Variants in TPD52L3 observed in about 807,000 individuals in gnomAD.
TPD52L3 encodes TPD52 like 3, also known as tumor protein D55.
In TPD52L3, 12 loss-of-function variants were observed where a neutral mutation model predicts 8.7. The ratio of observed to expected loss-of-function variants is 1.38; its 90% CI spans 0.89 to 2.24. TPD52L3 has a LOEUF of 2.24. Ranked by LOEUF, TPD52L3 falls within the 30% of genes most tolerant of loss-of-function variation. The pLI, the probability that TPD52L3 is intolerant of heterozygous loss-of-function variation, is 0.00. For missense variants in TPD52L3, 207 were observed against 158.7 expected, an observed-to-expected ratio of 1.30 and a Z score of -1.64; for synonymous variants, 79 against 66.8, an observed-to-expected ratio of 1.18 and a Z score of -0.89.
Position 6,328,538 on chromosome 9 carries a change from C to T in TPD52L3, c.-58C>T. Reference sequence around the variant, plus strand: ...ATTTCTCTGCAGCCCAATAATTCGACTCTTTCTACCAAGAATTGGACCTGG... The same window carrying T: ...ATTTCTCTGCAGCCCAATAATTCGATTCTTTCTACCAAGAATTGGACCTGG... On this transcript the variant is annotated 5_prime_UTR_variant, in exon 1 of 2. Transcript: ENST00000314556. 1 of 1,558,146 alleles carries T rather than the reference C, an allele frequency of 6.4e-7. No homozygotes were observed. The highest frequency in any genetic ancestry group is 8.7e-7 in the Non-Finnish European group (1 of 1,155,912).
rs1245923234 is a variant in TPD52L3, at chr9:6,328,456, C to G, written c.-140C>G. ...GATCCCTCCCGCCTGAAATCTGACT[C>G]CACCTGCCAAGAGTCTGAGCCTGCA... On this transcript the variant is annotated 5_prime_UTR_variant, in exon 1 of 2. Coordinates refer to ENST00000314556, the MANE Select transcript of TPD52L3 (RefSeq NM_001001874.3). The G allele has an allele frequency of 9.6e-7, 1 of 1,042,310 alleles. No individual in the cohort carries two copies. Among genetic ancestry groups the G allele is most frequent in the African/African-American group, 1.6e-5 (1 of 62,652 alleles). The allele number at this position is 1,042,310 out of a possible 1,614,324, so 64.6% of individuals were successfully genotyped here. A position where few individuals can be genotyped will look rare whatever the true frequency, so the allele number is the denominator to read the frequency against.
chr9:6,331,421 C>A lies in TPD52L3; in HGVS notation c.*402C>A, dbSNP rs10491836. 37,167 of 156,474 alleles carry A rather than the reference C, an allele frequency of 0.24. 4,708 individuals carry two copies. The highest frequency in any genetic ancestry group is 0.26 in the Non-Finnish European group (18,419 of 71,232). The allele number at this position is 156,474 out of a possible 1,614,324, so 9.7% of individuals were successfully genotyped here. ...GACAACATGCAGAGGAACTGAGTCA[C>A]AAAGGAATGTATAAGAATGGCATAT... On this transcript the variant is annotated 3_prime_UTR_variant, in exon 2 of 2. Coordinates refer to ENST00000314556, the MANE Select transcript of TPD52L3 (RefSeq NM_001001874.3).
chr9:6,329,976 T>G (rs1022466888), intron 1 of TPD52L3: 2 of 1,318,248 alleles, frequency 1.5e-6, no homozygotes, highest in Admixed American at 7.5e-5. Flanking sequence ...AGAAATTGCC[T>G]CTCTGGCAGC....
At position 6,328,989 on chromosome 9, in the gene TPD52L3, G is replaced by A. The variant is rs761324329; in HGVS notation, c.367+27G>A. 2.7e-5 allele frequency: 44 copies of A among 1,614,122 alleles called. No individual in the cohort carries two copies. The South Asian group carries it at 4.7e-4, about 17-fold the overall frequency. ...TCTGATGGGGACAATCAAGTCCAAA[G>A]TCTCAGGGGGCAAAAGAGCTTGGCC... On this transcript the variant is annotated intron_variant, in intron 1 of 1. Transcript: ENST00000314556.
intron 1 of TPD52L3, chr9:6,330,527 G>C (rs1004464017): frequency 2.5e-6 from 3 of 1,216,958 alleles, no homozygotes; most frequent in Middle Eastern, 3.3e-4. Context: ...CATTCCTTTG[G>C]TTTTCCTATA....
Position 6,328,767 on chromosome 9 carries a change from G to T in TPD52L3, c.172G>T (p.Gly58Trp). 6.2e-7 allele frequency: 1 copy of T among 1,614,144 alleles called. No homozygotes were observed. Among genetic ancestry groups the T allele is most frequent in the Admixed American group, 1.7e-5 (1 of 60,026 alleles). ...HVLAAKERRC[G>W]ELKRKLGLTA... ...ACTAGCAGCCAAAGAGAGACGCTGT[G>T]GGGAACTCAAGAGGAAGTTAGGCCT... Residue 58 changes from glycine (G) to tryptophan (W), a missense_variant, in exon 1 of 2, where the codon GGG becomes TGG. Coordinates refer to ENST00000314556, the MANE Select transcript of TPD52L3 (RefSeq NM_001001874.3).
Position 6,328,465 on chromosome 9 carries a change from A to T in TPD52L3, c.-131A>T. ...CGCCTGAAATCTGACTCCACCTGCC[A>T]AGAGTCTGAGCCTGCAGGCCTAGAT... On this transcript the variant is annotated 5_prime_UTR_variant, in exon 1 of 2. Coordinates refer to ENST00000314556, the MANE Select transcript of TPD52L3 (RefSeq NM_001001874.3). 1.8e-6 allele frequency: 2 copies of T among 1,131,488 alleles called. No individual in the cohort carries two copies. The highest frequency in any genetic ancestry group is 2.5e-6 in the Non-Finnish European group (2 of 796,808). 70.1% of individuals were successfully genotyped at this position (1,131,488 alleles called of 1,614,324 possible). A position where few individuals can be genotyped will look rare whatever the true frequency, so the allele number is the denominator to read the frequency against.
chr9:6,328,831 G>A lies in TPD52L3; in HGVS notation c.236G>A (p.Ser79Asn). The change falls in exon 1 of 2, where the codon AGC (serine) becomes AAC (asparagine). Residue 79 changes from serine to asparagine, a missense_variant. Ser to Asn is a conservative substitution (Grantham distance 46). Coordinates refer to ENST00000314556, the MANE Select transcript of TPD52L3 (RefSeq NM_001001874.3). Reference sequence around the variant, plus strand: ...GGGCTGAGACAGAATCTGTCCAAGAGCTGGCTTGATGTTCAGGTCTCCAAC... The same window carrying A: ...GGGCTGAGACAGAATCTGTCCAAGAACTGGCTTGATGTTCAGGTCTCCAAC... ...LVGLRQNLSKSWLDVQVSNTY... is the reference protein window; with the variant it reads ...LVGLRQNLSKNWLDVQVSNTY... 1.2e-6 allele frequency: 2 copies of A among 1,614,214 alleles called. No individual in the cohort carries two copies. The highest frequency in any genetic ancestry group is 8.5e-7 in the Non-Finnish European group (1 of 1,180,022).
chr9:6,330,981 A>G lies in TPD52L3; in HGVS notation c.373A>G (p.Ile125Val). 2 of 1,612,756 alleles carry G rather than the reference A, an allele frequency of 1.2e-6. No individual in the cohort carries two copies. The highest frequency in any genetic ancestry group is 1.7e-6 in the Non-Finnish European group (2 of 1,179,382). The change falls in exon 2 of 2, where the codon ATC (isoleucine) becomes GTC (valine). Residue 125 changes from isoleucine (I) to valine (V), a missense_variant. Physicochemically the swap from Ile to Val is conservative, Grantham distance 29. Coordinates refer to ENST00000314556, the MANE Select transcript of TPD52L3 (RefSeq NM_001001874.3). ...SATFRSFEGLIFNKYTLNQGR... is the reference protein window; with the variant it reads ...SATFRSFEGLVFNKYTLNQGR... ...TTTTCCCATTTCTGGCTTAGGATTG[A>G]TCTTCAATAAATACACGTTAAATCA...
chr9:6,330,243 C>G, intron 1 of TPD52L3: 1 of 1,606,238 alleles, frequency 6.2e-7, no homozygotes, highest in Non-Finnish European at 8.5e-7. Flanking sequence ...CAGTAGGAAC[C>G]TGGACGGTGC....
chr9:6,330,079 T>G, intron 1 of TPD52L3: 3 of 1,550,140 alleles, frequency 1.9e-6, no homozygotes, highest in Non-Finnish European at 2.6e-6. Flanking sequence ...TCAAGGAACA[T>G]TTTAAAAAGA....
chr9:6,328,647 A>T lies in TPD52L3; in HGVS notation c.52A>T (p.Thr18Ser). The T allele has an allele frequency of 3.7e-6, 6 of 1,614,126 alleles. No individual in the cohort carries two copies. The highest frequency in any genetic ancestry group is 5.1e-6 in the Non-Finnish European group (6 of 1,180,026). The change falls in exon 1 of 2, where the codon ACT becomes TCT. Residue 18 changes from threonine to serine, a missense_variant. Coordinates refer to ENST00000314556, the MANE Select transcript of TPD52L3 (RefSeq NM_001001874.3). ...TSVGTYESHS[T>S]SELEDLTEPE... is the part of the protein sequence containing the mutation. ...TGTGGGCACATATGAATCCCACTCG[A>T]CTTCTGAACTGGAGGATCTGACAGA...
intron 1 of TPD52L3, chr9:6,329,629 C>A (rs1244822493): frequency 6.6e-5 from 66 of 1,001,296 alleles, no homozygotes; most frequent in Non-Finnish European, 7.9e-5. Context: ...TCAAAGTCAC[C>A]TTGAAAGCTT....
chr9:6,330,583 G>T (rs1818133496), intron 1 of TPD52L3: 1 of 1,164,162 alleles, frequency 8.6e-7, no homozygotes, highest in Admixed American at 4.5e-5. Context: ...CTGGTAAACT[G>T]TAAAGTTACT....
chr9:6,331,299 C>G lies in TPD52L3; in HGVS notation c.*280C>G. ...AAAGAAGTCCTGAGGAAGGGGTGTT[C>G]AACTCTGTCTTGGTAGGTCAGTAAA... On this transcript the variant is annotated 3_prime_UTR_variant, in exon 2 of 2. Transcript: ENST00000314556. The G allele has an allele frequency of 3.4e-6, 1 of 296,496 alleles. No homozygotes were observed. The allele number at this position is 296,496 out of a possible 1,614,324, so 18.4% of individuals were successfully genotyped here.
intron 1 of TPD52L3, 58 bp from the exon 2 acceptor site, chr9:6,330,918 A>G: frequency 6.3e-7 from 1 of 1,594,776 alleles, no homozygotes; most frequent in Non-Finnish European, 8.5e-7. Context: ...CAACTCCGTA[A>G]AAGTAGTAAA....
chr9:6,330,270 A>G (rs1818126704), intron 1 of TPD52L3: 3 of 1,586,038 alleles, frequency 1.9e-6, no homozygotes, highest in South Asian at 1.2e-5. Context: ...GAATTTTCTG[A>G]TATCTGATTT....
chr9:6,329,659 AT>A, intron 1 of TPD52L3: 1 of 1,001,678 alleles, frequency 1.0e-6, no homozygotes, highest in Non-Finnish European at 1.2e-6. Flanking sequence ...TACAACTTTT[AT>A]TTTAAAAAGA....
At chr9:6,330,643 T>C in intron 1 of TPD52L3, 2 of 1,178,158 alleles carry the variant, frequency 1.7e-6, no homozygotes, top group Non-Finnish European at 2.1e-6. Context: ...TTTGCTTGGA[T>C]TAAAACAAGA....
Sources: allele counts gnomAD v4.1 joint callset, GRCh38; gene constraint gnomAD v4.1.1; transcripts MANE v1.5; gene names NCBI Gene and HGNC (gene_info 2026-07-23, HGNC 2026-07-21).